GATA3: variants seen among roughly 807,000 people sequenced by gnomAD.
The protein encoded by GATA3 is GATA binding protein 3.
In GATA3, 6 loss-of-function variants were observed where a neutral mutation model predicts 36.0. The ratio of observed to expected loss-of-function variants is 0.17; its 90% CI spans 0.09 to 0.33. The LOEUF (loss-of-function observed/expected upper bound fraction) is 0.33, where lower values mean the gene tolerates loss of function less well. Among genes scored for constraint, GATA3 ranks in the 10% least tolerant of loss-of-function variants. The probability of loss-of-function intolerance (pLI) is 1.00; values close to 1 mark genes in which losing one functional copy is unlikely to be tolerated. For synonymous variants in GATA3, 326 were observed against 273.0 expected, an observed-to-expected ratio of 1.19 and a Z score of -1.92; for missense variants, 514 against 610.1, an observed-to-expected ratio of 0.84 and a Z score of 1.66.
chr10:8,054,739 C>T lies in GATA3; in HGVS notation c.-522C>T, dbSNP rs1832589540. On this transcript the variant is annotated 5_prime_UTR_variant, in exon 1 of 6. Transcript: ENST00000379328. The surrounding 1 kb of genome is among the most constrained non-coding windows in gnomAD (Gnocchi z 4.2). Reference sequence around the variant, plus strand: ...TGATACTTTCAGAAAGAATGCATTCCCTGTAAAAAAAAAAAAAAAATACTG... The same window carrying T: ...TGATACTTTCAGAAAGAATGCATTCTCTGTAAAAAAAAAAAAAAAATACTG... The T allele has an allele frequency of 8.1e-6, 1 of 123,036 alleles. No homozygotes were observed. Among genetic ancestry groups the T allele is most frequent in the Non-Finnish European group, 1.6e-5 (1 of 60,950 alleles). 7.6% of individuals were successfully genotyped at this position (123,036 alleles called of 1,614,324 possible). A position where few individuals can be genotyped will look rare whatever the true frequency, so the allele number is the denominator to read the frequency against.
At chr10:8,053,751 G>C (rs1832560839), upstream of GATA3, 1 of 152,252 alleles carries the variant, frequency 6.6e-6, no homozygotes, top group African/African-American at 2.4e-5. This position sits in a 1 kb window ranked among gnomAD's most constrained non-coding sequence, Gnocchi z 5.1. Flanking sequence ...TGGTTTCCTT[G>C]ACTGTGGGAG....
intron 1 of GATA3, among the ~76,000 whole-genome samples, chr10:8,047,280 G>A (rs1832403287): frequency 1.3e-5 from 2 of 152,184 alleles, no homozygotes; most frequent in African/African-American, 4.8e-5. Flanking sequence ...AGCAGTTTGC[G>A]TCCTGGAACC....
At chr10:8,064,360 C>T (rs1417304909) in intron 4 of GATA3, among the ~76,000 whole-genome samples, 1 of 142,736 alleles carries the variant, frequency 7.0e-6, no homozygotes, top group Non-Finnish European at 1.5e-5. Context: ...CTCTTTTCCC[C>T]TCTTTTTCCC....
At position 8,055,799 on chromosome 10, in the gene GATA3, T is replaced by A. The variant is rs1208305732; in HGVS notation, c.144T>A (p.Asp48Glu). 6.3e-7 allele frequency: 1 copy of A among 1,593,780 alleles called. No homozygotes were observed. The highest frequency in any genetic ancestry group is 8.5e-7 in the Non-Finnish European group (1 of 1,170,316). ...AGTACCCGCTGCCGGAGGAGGTGGATGTGCTTTTTAACATCGACGGTCAAG... is the reference window on the plus strand; with the variant it reads ...AGTACCCGCTGCCGGAGGAGGTGGAAGTGCTTTTTAACATCGACGGTCAAG... ...AAQYPLPEEV[D>E]VLFNIDGQGN... Residue 48 changes from aspartate (D) to glutamate (E), a missense_variant, in exon 2 of 6, where the codon GAT becomes GAA. Asp to Glu is a conservative substitution (Grantham distance 45). Transcript: ENST00000379328. This position sits in a 1 kb window ranked among gnomAD's most constrained non-coding sequence, Gnocchi z 5.4.
At chr10:8,069,658 C>A in intron 5 of GATA3, 60 bp downstream of exon 5, 3 of 1,589,580 alleles carry the variant, frequency 1.9e-6, no homozygotes, top group South Asian at 1.1e-5. Context: ...CAGCAAACAG[C>A]GTCACCACCA....
At chr10:8,066,251 T>A (rs940667992) in intron 4 of GATA3, among the ~76,000 whole-genome samples, 3 of 152,156 alleles carry the variant, frequency 2.0e-5, no homozygotes, top group Admixed American at 6.5e-5. Context: ...CCACTCACCT[T>A]TCATAGGAAA....
Position 8,064,881 on chromosome 10 carries a change from T to A in GATA3, c.924+743T>A. Among the ~76,000 whole-genome samples the A allele has an allele frequency of 1.3e-5, 2 of 152,230 alleles. 1 individual carries two copies. The highest frequency in any genetic ancestry group is 1.3e-4 in the Admixed American group (2 of 15,280). On this transcript the variant is annotated intron_variant, in intron 4 of 5. Transcript: ENST00000379328. ...CCTCTCTCATTATTCTTTTAAAAAC[T>A]TTTTAAGCATGAGGGATCCTTGAGA...
chr10:8,059,975 C>A (rs188926501), intron 3 of GATA3, among the ~76,000 whole-genome samples: 2 of 152,148 alleles, frequency 1.3e-5, no homozygotes, highest in African/African-American at 4.8e-5. Context: ...AGAAAGCAAT[C>A]GTGAAAATCA....
intron 1 of GATA3, among the ~76,000 whole-genome samples, chr10:8,045,824 G>A (rs965499880): frequency 1.1e-4 from 17 of 152,198 alleles, no homozygotes; most frequent in Non-Finnish European, 1.9e-4. Flanking sequence ...AAGGGCCGGA[G>A]ACACGTTTCC....
At chr10:8,056,537 G>C (rs1832642541) in intron 2 of GATA3, among the ~76,000 whole-genome samples, 1 of 151,922 alleles carries the variant, frequency 6.6e-6, no homozygotes, top group South Asian at 2.1e-4. Context: ...GATGCTGAAG[G>C]GGTTTGGGGG....
intron 5 of GATA3, 115 bp downstream of exon 5, chr10:8,069,713 C>A: frequency 2.4e-6 from 3 of 1,265,428 alleles, no homozygotes; most frequent in South Asian, 1.3e-5. Flanking sequence ...ATGACAGGTT[C>A]CAAATAATTG....
intron 5 of GATA3, among the ~76,000 whole-genome samples, chr10:8,072,202 G>A (rs896073066): frequency 5.9e-5 from 9 of 152,154 alleles, no homozygotes; most frequent in African/African-American, 1.9e-4. Flanking sequence ...GCTCAGCTTC[G>A]GGAAGCTGGG....
intron 1 of GATA3, among the ~76,000 whole-genome samples, chr10:8,048,557 A>C (rs1413214013): frequency 6.6e-6 from 1 of 152,160 alleles, no homozygotes; most frequent in Non-Finnish European, 1.5e-5. Context: ...CGGGAGACCC[A>C]GGGACGCCGG....
chr10:8,057,050 T>G (rs778108267), intron 2 of GATA3, among the ~76,000 whole-genome samples: 3 of 152,188 alleles, frequency 2.0e-5, no homozygotes, highest in Non-Finnish European at 4.4e-5. Context: ...TTTCTGCGGA[T>G]GGGGCGCTCT....
In GATA3 at chr10:8,058,579, G is replaced by T; in HGVS notation, c.516G>T (p.Ser172=). ...ACCCATCGCTGTCCACCCCAGGCTC[G>T]GCCGGCTCGGCCCGGCAGGACGAGA... ...SPDPSLSTPG[S]AGSARQDEKE... The change falls in exon 3 of 6, where the codon TCG becomes TCT. Residue 172 remains serine (S), a synonymous_variant. Coordinates refer to ENST00000379328, the MANE Select transcript of GATA3 (RefSeq NM_001002295.2). The T allele has an allele frequency of 6.2e-7, 1 of 1,612,034 alleles. No homozygotes were observed. Among genetic ancestry groups the T allele is most frequent in the Non-Finnish European group, 8.5e-7 (1 of 1,179,866 alleles).
Position 8,074,012 on chromosome 10 carries a change from G to A in GATA3, c.1324G>A (p.Ala442Thr). 6.2e-6 allele frequency: 10 copies of A among 1,614,008 alleles called. No individual in the cohort carries two copies. Among genetic ancestry groups the A allele is most frequent in the Admixed American group, 3.3e-5 (2 of 60,030 alleles). The change falls in exon 6 of 6, where the codon GCC becomes ACC. Residue 442 changes from alanine to threonine, a missense_variant. Physicochemically the swap from Ala to Thr is moderately conservative, Grantham distance 58 (BLOSUM62 0). This residue lies in a region of GATA3 where 89 missense variants were observed against 104.2 expected (regional missense o/e 0.85). Transcript: ENST00000379328. ...GPHHPSSMVT[A>T]MG is the part of the protein sequence containing the mutation. ...ACACCACCCCTCCAGCATGGTCACC[G>A]CCATGGGTTAGAGCCCTGCTCGATG...
At position 8,073,562 on chromosome 10, in the gene GATA3, T is replaced by A. The variant is rs548108825; in HGVS notation, c.1051-177T>A. 2.6e-5 allele frequency among the ~76,000 whole-genome samples: 4 copies of A among 152,186 alleles called. No individual in the cohort carries two copies. The South Asian group carries it at 8.3e-4, about 32-fold the overall frequency. On this transcript the variant is annotated intron_variant, in intron 5 of 5. Coordinates refer to ENST00000379328, the MANE Select transcript of GATA3 (RefSeq NM_001002295.2). ...ATCTGGTAACTGTATGTATTTTAGT[T>A]CTTCAGTCCCTGGGAAGGAGACAGG...
upstream of GATA3, chr10:8,050,530 C>G (rs370279583): frequency 4.4e-5 from 7 of 160,772 alleles, no homozygotes; most frequent in African/African-American, 1.7e-4. Context: ...TTCTCCTCCC[C>G]CAGGCCCAGC....
chr10:8,058,484 T>G lies in GATA3; in HGVS notation c.421T>G (p.Leu141Val). 1.2e-6 allele frequency: 2 copies of G among 1,612,502 alleles called. No homozygotes were observed. Among genetic ancestry groups the G allele is most frequent in the Non-Finnish European group, 1.7e-6 (2 of 1,179,744 alleles). ...CTACCCCCCGGCCTCGTCCTCCTCC[T>G]TGTCGGGGGGCCACGCCAGCCCGCA... ...SVYPPASSSS[L>V]SGGHASPHLF... Residue 141 changes from leucine (L) to valine (V), a missense_variant, in exon 3 of 6, where the codon TTG becomes GTG. Physicochemically the swap from Leu to Val is conservative, Grantham distance 32. Transcript: ENST00000379328.
Sources: gnomAD v4.1 joint callset for allele counts (sites outside exome capture counted in the v4.1 genomes callset) on GRCh38, gnomAD v4.1.1 for gene constraint, gnomAD v4.1.1 regional missense constraint, Gnocchi (gnomAD v3.1) non-coding constraint, MANE v1.5 for transcripts, NCBI Gene and HGNC (gene_info 2026-07-23, HGNC 2026-07-21) for gene names.